The following SPMIP3 variants were observed in gnomAD, a reference collection of about 807,000 sequenced individuals.
SPMIP3 encodes protein SPMIP3.
chr1:244,369,832 A>C, the SPMIP3 span, among the ~76,000 whole-genome samples: 47,710 of 148,558 alleles, frequency 0.32, 8,059 homozygotes, highest in East Asian at 0.53. Flanking sequence ...ATCTTTTATT[A>C]TGTAGATGGG....
At chr1:244,370,036 A>C in the SPMIP3 span, among the ~76,000 whole-genome samples, 1 of 152,142 alleles carries the variant, frequency 6.6e-6, no homozygotes, top group Non-Finnish European at 1.5e-5. Flanking sequence ...GCATGATTTT[A>C]CAGGCTACTC....
chr1:244,379,904 G>A, the SPMIP3 span, among the ~76,000 whole-genome samples: 1 of 151,590 alleles, frequency 6.6e-6, no homozygotes, highest in African/African-American at 2.4e-5. Flanking sequence ...GGAGGCGGAG[G>A]TTGCGGTGAG....
the SPMIP3 span, among the ~76,000 whole-genome samples, chr1:244,376,701 A>T: frequency 6.6e-6 from 1 of 152,204 alleles, no homozygotes; most frequent in Non-Finnish European, 1.5e-5. Flanking sequence ...ATTTAATTCA[A>T]TTGAATGAAT....
At chr1:244,389,158 T>A in the SPMIP3 span, 1 of 941,970 alleles carries the variant, frequency 1.1e-6, no homozygotes. Flanking sequence ...TCAGTTTCAG[T>A]GTGTATACAG....
the SPMIP3 span, among the ~76,000 whole-genome samples, chr1:244,388,607 A>T: frequency 6.6e-6 from 1 of 152,206 alleles, no homozygotes; most frequent in Non-Finnish European, 1.5e-5. Flanking sequence ...AGAAAAAAAT[A>T]ATTTAGGGAT....
the SPMIP3 span, among the ~76,000 whole-genome samples, chr1:244,372,719 A>G: frequency 6.6e-6 from 1 of 152,212 alleles, no homozygotes; most frequent in Non-Finnish European, 1.5e-5. Context: ...CTGGGATTAC[A>G]GGCGCGAGCC....
At chr1:244,378,764 A>ATG in the SPMIP3 span, 6,315 of 1,043,968 alleles carry the variant, frequency 6.0e-3, 255 homozygotes, top group African/African-American at 0.089. Context: ...AGGCATGGAT[A>ATG]TGTGTGTGTG....
the SPMIP3 span, among the ~76,000 whole-genome samples, chr1:244,355,236 C>T: frequency 2.6e-5 from 4 of 152,242 alleles, no homozygotes; most frequent in South Asian, 4.1e-4. Flanking sequence ...AAGGACTGGA[C>T]GAAATAGCCC....
At chr1:244,357,582 G>A in the SPMIP3 span, among the ~76,000 whole-genome samples, 59 of 151,672 alleles carry the variant, frequency 3.9e-4, no homozygotes, top group African/African-American at 1.4e-3. Flanking sequence ...GGTAGAGCAC[G>A]CCTGTAATCC....
chr1:244,354,332 T>C, the SPMIP3 span, among the ~76,000 whole-genome samples: 1 of 151,186 alleles, frequency 6.6e-6, no homozygotes, highest in African/African-American at 2.4e-5. Flanking sequence ...CTTGGCATTG[T>C]ACTGGGAGTA....
the SPMIP3 span, among the ~76,000 whole-genome samples, chr1:244,364,375 G>A: frequency 3.9e-5 from 6 of 152,026 alleles, no homozygotes; most frequent in Non-Finnish European, 8.8e-5. Context: ...AAAGTGCTGG[G>A]ATTACAGGCG....
At chr1:244,357,861 T>C in the SPMIP3 span, among the ~76,000 whole-genome samples, 54 of 152,054 alleles carry the variant, frequency 3.6e-4, no homozygotes, top group Non-Finnish European at 5.9e-5. Flanking sequence ...GAGGATTGCT[T>C]GGGCCTAGGA....
the SPMIP3 span, among the ~76,000 whole-genome samples, chr1:244,365,096 A>G: frequency 6.6e-6 from 1 of 152,212 alleles, no homozygotes; most frequent in Non-Finnish European, 1.5e-5. Flanking sequence ...GGATTTAGAT[A>G]CCATAGGGGA....
At chr1:244,368,536 C>G in the SPMIP3 span, among the ~76,000 whole-genome samples, 10 of 152,266 alleles carry the variant, frequency 6.6e-5, no homozygotes, top group Admixed American at 3.9e-4. Flanking sequence ...GCCCTCCAGG[C>G]AGGGCTTACT....
At chr1:244,373,895 CTT>C in the SPMIP3 span, among the ~76,000 whole-genome samples, 1 of 152,054 alleles carries the variant, frequency 6.6e-6, no homozygotes, top group South Asian at 2.1e-4. Flanking sequence ...GGGCGGATCA[CTT>C]GAGGCCAGGA....
At chr1:244,363,908 G>C in the SPMIP3 span, among the ~76,000 whole-genome samples, 1 of 152,110 alleles carries the variant, frequency 6.6e-6, no homozygotes, top group African/African-American at 2.4e-5. Flanking sequence ...ATGCAAGGGC[G>C]CTCACTCCTA....
the SPMIP3 span, among the ~76,000 whole-genome samples, chr1:244,367,613 G>A: frequency 4.6e-5 from 7 of 152,150 alleles, no homozygotes; most frequent in Non-Finnish European, 1.0e-4. Context: ...CGTGCGGCTC[G>A]GAGGACAAGC....
the SPMIP3 span, among the ~76,000 whole-genome samples, chr1:244,352,950 G>A: frequency 4.6e-5 from 7 of 152,126 alleles, no homozygotes; most frequent in African/African-American, 1.4e-4. Flanking sequence ...TTAACTCAAC[G>A]TGTCTTTTTT....
the SPMIP3 span, among the ~76,000 whole-genome samples, chr1:244,373,596 A>G: frequency 6.6e-6 from 1 of 151,506 alleles, no homozygotes; most frequent in Non-Finnish European, 1.5e-5. Flanking sequence ...CCTTTTTAAT[A>G]ATAGATATTT....
Sources: allele counts gnomAD v4.1 joint callset (sites outside exome capture counted in the v4.1 genomes callset), GRCh38; gene constraint gnomAD v4.1.1; transcripts MANE v1.5; gene names NCBI Gene and HGNC (gene_info 2026-07-23, HGNC 2026-07-21).